The following UNC80 variants were observed in gnomAD, a reference collection of about 807,000 sequenced individuals.
UNC80 encodes the protein protein unc-80 homolog.
In UNC80, 164 loss-of-function variants were observed where a neutral mutation model predicts 384.6. That is an observed-to-expected ratio of 0.43 (90% CI 0.38 to 0.49). The LOEUF (loss-of-function observed/expected upper bound fraction) is 0.49. UNC80 is among the 20% of genes least tolerant of loss of function. The pLI is 0.00. For missense variants in UNC80, 3,330 were observed against 4,143.0 expected (o/e 0.80, Z 5.39); for synonymous variants, 1,486 against 1,527.8 (o/e 0.97, Z 0.64).
intron 60 of UNC80, among the ~76,000 whole-genome samples, chr2:209,983,899 T>A (rs1156272345): frequency 6.6e-6 from 1 of 152,146 alleles, no homozygotes; most frequent in Non-Finnish European, 1.5e-5. Flanking sequence ...GCGAAGGTAA[T>A]AATACTGTCT....
At chr2:209,974,713 A>G (rs542432067) in intron 56 of UNC80, among the ~76,000 whole-genome samples, 2 of 152,250 alleles carry the variant, frequency 1.3e-5, no homozygotes, top group Non-Finnish European at 2.9e-5. Context: ...GGGCCCAGAA[A>G]GGTTGAGTAA....
At chr2:209,891,395 T>G (rs1025097118) in intron 26 of UNC80, among the ~76,000 whole-genome samples, 2 of 152,122 alleles carry the variant, frequency 1.3e-5, no homozygotes, top group African/African-American at 4.8e-5. Flanking sequence ...GATGAGAAGC[T>G]TCCCTCTTTT....
chr2:209,915,461 T>A (rs537463186), intron 31 of UNC80, among the ~76,000 whole-genome samples: 1 of 151,536 alleles, frequency 6.6e-6, no homozygotes, highest in Non-Finnish European at 1.5e-5. Context: ...ACTGGGCTTT[T>A]TGGAAAGCCT....
At chr2:209,943,342 A>G in intron 44 of UNC80, 38 bp from the exon 45 acceptor site, 1 of 1,550,028 alleles carries the variant, frequency 6.5e-7, no homozygotes, top group Non-Finnish European at 8.7e-7. Context: ...TTGATACTTC[A>G]TTAAGGCATT....
intron 27 of UNC80, 85 bp from the exon 28 acceptor site, chr2:209,896,228 C>T: frequency 1.6e-6 from 2 of 1,242,274 alleles, no homozygotes; most frequent in Non-Finnish European, 1.2e-6. Context: ...CCCTAGGATT[C>T]AGAAGCATGG....
intron 36 of UNC80, among the ~76,000 whole-genome samples, chr2:209,927,836 A>G (rs1490879092): frequency 6.6e-6 from 1 of 152,192 alleles, no homozygotes; most frequent in Non-Finnish European, 1.5e-5. Context: ...TTGTACACTG[A>G]TCATTATTTA....
chr2:209,829,149 C>A, intron 14 of UNC80, 83 bp from the exon 15 acceptor site: 1 of 1,495,898 alleles, frequency 6.7e-7, no homozygotes, highest in Non-Finnish European at 9.0e-7. Flanking sequence ...CCCTTGCCTT[C>A]TGAAGGCTTC....
chr2:209,984,753 A>T, intron 60 of UNC80, 103 bp from the exon 61 acceptor site: 1 of 1,048,830 alleles, frequency 9.5e-7, no homozygotes. Context: ...AAATCTATTT[A>T]TTTTTGGTTC....
At chr2:209,968,719 G>A (rs1471577901) in intron 52 of UNC80, 1 of 152,134 alleles carries the variant, frequency 6.6e-6, no homozygotes, top group African/African-American at 2.4e-5. Context: ...TGTCTCACAA[G>A]GGTGCGTCAA....
At chr2:209,789,200 G>T (rs2077642703) in intron 5 of UNC80, among the ~76,000 whole-genome samples, 1 of 150,986 alleles carries the variant, frequency 6.6e-6, no homozygotes, top group Admixed American at 6.6e-5. Flanking sequence ...CTTAAGTGAT[G>T]CATGACTGTA....
chr2:209,858,614 A>G (rs2083112560), intron 22 of UNC80, among the ~76,000 whole-genome samples: 1 of 151,854 alleles, frequency 6.6e-6, no homozygotes, highest in Admixed American at 6.6e-5. Context: ...GAATAGCTTG[A>G]ACCCAGGAAA....
intron 7 of UNC80, chr2:209,794,800 C>T (rs1158080936): frequency 4.4e-6 from 2 of 454,950 alleles, no homozygotes; most frequent in Non-Finnish European, 4.4e-6. Context: ...ATAAGAAGCA[C>T]CTTTCACTTC....
intron 42 of UNC80, among the ~76,000 whole-genome samples, chr2:209,939,191 A>G (rs976864422): frequency 5.9e-5 from 9 of 152,122 alleles, no homozygotes; most frequent in South Asian, 2.1e-4. Flanking sequence ...ATATTGAACT[A>G]ATCTTGACAA....
rs754975209 is a variant in UNC80, at chr2:209,943,389, G to A, written c.6925G>A (p.Asp2309Asn). The change falls in exon 45 of 65, where the codon GAC (aspartate) becomes AAC (asparagine). Residue 2309 changes from aspartate (D) to asparagine (N), a missense_variant. Asp to Asn is a conservative substitution (Grantham distance 23, BLOSUM62 1). This residue lies in a region of UNC80 where 1,049 missense variants were observed against 1,488.6 expected (regional missense o/e 0.70). Coordinates refer to ENST00000673920, the MANE Select transcript of UNC80 (RefSeq NM_001371986.1). ...ILPTMLQVYSDYESNPQLRQA... is the reference protein window; with the variant it reads ...ILPTMLQVYSNYESNPQLRQA... ...TGGCATTTTTCCATAGGTGTACTCC[G>A]ACTATGAAAGCAATCCCCAGCTGCG... 6.4e-6 allele frequency: 10 copies of A among 1,552,056 alleles called. No individual in the cohort carries two copies. The highest frequency in any genetic ancestry group is 8.7e-6 in the Non-Finnish European group (10 of 1,147,024).
At chr2:209,799,854 T>G in intron 7 of UNC80, among the ~76,000 whole-genome samples, 1 of 152,228 alleles carries the variant, frequency 6.6e-6, no homozygotes, top group Non-Finnish European at 1.5e-5. Context: ...TTCGTTCTGT[T>G]TATGTGATGA....
At chr2:209,794,872 T>C (rs1469758893) in intron 7 of UNC80, 4 of 440,692 alleles carry the variant, frequency 9.1e-6, no homozygotes, top group Admixed American at 7.4e-5. Context: ...AACTTACTTA[T>C]GTTCCCAGTT....
intron 23 of UNC80, among the ~76,000 whole-genome samples, chr2:209,877,367 T>C (rs1291408024): frequency 6.6e-6 from 1 of 152,166 alleles, no homozygotes; most frequent in Non-Finnish European, 1.5e-5. Flanking sequence ...TCTAATGTTG[T>C]TGGGCACTCT....
chr2:209,917,951 T>A lies in UNC80; in HGVS notation c.5204T>A (p.Ile1735Asn). 6.4e-7 allele frequency: 1 copy of A among 1,551,592 alleles called. No homozygotes were observed. The highest frequency in any genetic ancestry group is 8.7e-7 in the Non-Finnish European group (1 of 1,146,918). ...WPRMEEGAQQ[I>N]FKIPPPSINF... is the part of the protein sequence containing the mutation. Reference sequence around the variant, plus strand: ...CGGATGGAGGAAGGGGCACAGCAGATTTTTAAGGTGAGGGATACTTCTCAC... The same window carrying A: ...CGGATGGAGGAAGGGGCACAGCAGAATTTTAAGGTGAGGGATACTTCTCAC... The change falls in exon 32 of 65, where the codon ATT becomes AAT. Residue 1735 changes from isoleucine to asparagine, a missense_variant. Ile to Asn is a moderately radical substitution (Grantham distance 149). This residue lies in a region of UNC80 where 1,049 missense variants were observed against 1,488.6 expected (regional missense o/e 0.70). Coordinates refer to ENST00000673920, the MANE Select transcript of UNC80 (RefSeq NM_001371986.1).
chr2:209,995,485 C>T lies in UNC80; in HGVS notation c.9865C>T (p.His3289Tyr). ...CCTACAGCATGGAGACACTGTCCTT[C>T]ATATCAGTGAGGAAAATGGCATGGA... Reference protein sequence around the residue: ...SLLQHGDTVLHISEENGMENP... With the variant: ...SLLQHGDTVLYISEENGMENP... Residue 3289 changes from histidine to tyrosine, a missense_variant, in exon 65 of 65, where the codon CAT becomes TAT. Physicochemically the swap from His to Tyr is moderately conservative, Grantham distance 83 (BLOSUM62 2). Coordinates refer to ENST00000673920, the MANE Select transcript of UNC80 (RefSeq NM_001371986.1). 3.2e-6 allele frequency: 5 copies of T among 1,551,844 alleles called. No homozygotes were observed. Among genetic ancestry groups the T allele is most frequent in the Non-Finnish European group, 2.6e-6 (3 of 1,147,036 alleles).
Sources: gnomAD v4.1 joint callset for allele counts (sites outside exome capture counted in the v4.1 genomes callset) on GRCh38, gnomAD v4.1.1 for gene constraint, gnomAD v4.1.1 regional missense constraint, MANE v1.5 for transcripts, NCBI Gene and HGNC (gene_info 2026-07-23, HGNC 2026-07-21) for gene names.